The following PSEN1 variants were observed in gnomAD, a reference collection of about 807,000 sequenced individuals.
PSEN1 encodes presenilin 1.
PSEN1 carries 15 observed loss-of-function variants against 53.5 expected under a neutral mutation model. The ratio of observed to expected loss-of-function variants is 0.28; its 90% confidence interval spans 0.19 to 0.43. The LOEUF is 0.43. Among genes scored for constraint, PSEN1 ranks in the 20% least tolerant of loss-of-function variants. The probability of loss-of-function intolerance (pLI) is 1.00; values close to 1 mark genes in which losing one functional copy is unlikely to be tolerated. For missense variants in PSEN1, 387 were observed against 571.2 expected (o/e 0.68, Z 3.29); for synonymous variants, 208 against 209.8 (o/e 0.99, Z 0.08).
intron 3 of PSEN1, among the ~76,000 whole-genome samples, chr14:73,159,292 C>G (rs1172030508): frequency 1.3e-5 from 2 of 151,696 alleles, no homozygotes; most frequent in Non-Finnish European, 1.5e-5. Flanking sequence ...AAGAATTCTT[C>G]TGCCTCATTC....
At chr14:73,196,311 C>G (rs1473271302) in intron 7 of PSEN1, among the ~76,000 whole-genome samples, 1 of 151,798 alleles carries the variant, frequency 6.6e-6, no homozygotes, top group Non-Finnish European at 1.5e-5. Flanking sequence ...GCAGGGCAGA[C>G]TTCTCATTCA....
intron 11 of PSEN1, 132 bp downstream of exon 11, chr14:73,217,376 A>T: frequency 2.0e-6 from 2 of 1,007,314 alleles, no homozygotes; most frequent in South Asian, 2.7e-5. Flanking sequence ...CTTTTTGATA[A>T]TTGGACCTCA....
In PSEN1 at chr14:73,193,549, C is replaced by CA. The variant is rs372716222; in HGVS notation, c.769+700dup. ...TGGGTGACAGAGCGAGACTCTGTCTCAAAAAAAAAAAAAAAGCAAAAAAAA... is the reference window on the plus strand; with the variant it reads ...TGGGTGACAGAGCGAGACTCTGTCTCAAAAAAAAAAAAAAAAGCAAAAAAAA... On this transcript the variant is annotated intron_variant, in intron 7 of 11. Transcript: ENST00000324501. Among the ~76,000 whole-genome samples the CA allele has an allele frequency of 4.6e-3, 430 of 93,188 alleles. 8 individuals carry two copies. The highest frequency in any genetic ancestry group is 6.6e-3 in the Middle Eastern group (1 of 152). 61.1% of individuals were successfully genotyped at this position (93,188 alleles called of 152,430 possible).
chr14:73,195,204 G>A (rs1415496375), intron 7 of PSEN1, among the ~76,000 whole-genome samples: 4 of 152,084 alleles, frequency 2.6e-5, no homozygotes, highest in South Asian at 4.2e-4. Context: ...ATAGAGTCTC[G>A]CTTTGTTGCC....
intron 5 of PSEN1, among the ~76,000 whole-genome samples, chr14:73,176,628 T>C (rs940775978): frequency 6.6e-6 from 1 of 152,278 alleles, no homozygotes; most frequent in African/African-American, 2.4e-5. Flanking sequence ...AAACTACCTC[T>C]TCTTTTCTCT....
In PSEN1 at chr14:73,183,297, T is replaced by A. The variant is rs894056697; in HGVS notation, c.481-3556T>A. ...TATGTCTGGCTAATTTTTGTATTTT[T>A]TTTTTTTAATTTATTTTTTATTGAT... On this transcript the variant is annotated intron_variant, in intron 5 of 11. Coordinates refer to ENST00000324501, the MANE Select transcript of PSEN1 (RefSeq NM_000021.4). Among the ~76,000 whole-genome samples, 9 of 152,278 alleles carry A rather than the reference T, an allele frequency of 5.9e-5. No homozygotes were observed. The East Asian group carries it at 1.7e-3, about 29-fold the overall frequency.
At chr14:73,214,945 C>G (rs1751642005) in intron 10 of PSEN1, among the ~76,000 whole-genome samples, 1 of 152,014 alleles carries the variant, frequency 6.6e-6, no homozygotes, top group Non-Finnish European at 1.5e-5. Context: ...TGATGGGTAT[C>G]TTACCACAGT....
intron 3 of PSEN1, among the ~76,000 whole-genome samples, chr14:73,165,032 C>G (rs2140021228): frequency 6.6e-6 from 1 of 152,242 alleles, no homozygotes; most frequent in East Asian, 1.9e-4. Flanking sequence ...TCTTGGCTCA[C>G]TGCAACCTCT....
At chr14:73,206,798 ACT>A (rs1392053299) in intron 9 of PSEN1, among the ~76,000 whole-genome samples, 2 of 152,116 alleles carry the variant, frequency 1.3e-5, no homozygotes, top group African/African-American at 4.8e-5. Flanking sequence ...GAAAAAATAA[ACT>A]CTCTCCAAAC....
chr14:73,156,982 C>G (rs1897376484), intron 3 of PSEN1, among the ~76,000 whole-genome samples: 1 of 151,680 alleles, frequency 6.6e-6, no homozygotes, highest in South Asian at 2.1e-4. Flanking sequence ...AATGGTCTTA[C>G]AGGTAATACC....
intron 1 of PSEN1, among the ~76,000 whole-genome samples, chr14:73,146,800 G>A (rs754450453): frequency 2.4e-4 from 37 of 152,156 alleles, no homozygotes; most frequent in Non-Finnish European, 5.0e-4. Context: ...ATGTGTATAT[G>A]GTAATGTATT....
intron 1 of PSEN1, among the ~76,000 whole-genome samples, chr14:73,142,936 A>T (rs1353129153): frequency 6.6e-6 from 1 of 152,154 alleles, no homozygotes; most frequent in Non-Finnish European, 1.5e-5. Context: ...AGAGAGCAAA[A>T]ACACCAGAGT....
chr14:73,169,456 C>T (rs1255236778), intron 3 of PSEN1: 1 of 152,168 alleles, frequency 6.6e-6, no homozygotes. Context: ...CTTGAAATTC[C>T]TATTGGTAAC....
chr14:73,159,733 C>A (rs2140006132), intron 3 of PSEN1, among the ~76,000 whole-genome samples: 1 of 152,300 alleles, frequency 6.6e-6, no homozygotes, highest in Middle Eastern at 3.4e-3. Flanking sequence ...ACTCATTGGA[C>A]AACTTTATAC....
intron 3 of PSEN1, among the ~76,000 whole-genome samples, chr14:73,151,896 T>TA (rs1897239992): frequency 2.0e-3 from 22 of 10,906 alleles, no homozygotes; most frequent in South Asian, 0.02. Context: ...ATATATATAT[T>TA]TTTTTTTTTT....
intron 3 of PSEN1, among the ~76,000 whole-genome samples, chr14:73,166,820 T>G (rs1819520058): frequency 1.3e-5 from 2 of 152,184 alleles, no homozygotes. Context: ...TAGAATAGTT[T>G]CCTTTCCATT....
intron 5 of PSEN1, among the ~76,000 whole-genome samples, chr14:73,184,385 G>A (rs1227914006): frequency 4.7e-5 from 5 of 105,442 alleles, no homozygotes; most frequent in East Asian, 4.2e-4. Context: ...CTGGCCGGGC[G>A]GGGGGCTGAC....
At chr14:73,158,889 A>T (rs1018238237) in intron 3 of PSEN1, among the ~76,000 whole-genome samples, 3 of 152,152 alleles carry the variant, frequency 2.0e-5, no homozygotes, top group Non-Finnish European at 2.9e-5. Flanking sequence ...TCAGTCTTTT[A>T]AATTTTTTAG....
At chr14:73,167,588 T>C (rs1245706512) in intron 3 of PSEN1, among the ~76,000 whole-genome samples, 1 of 152,126 alleles carries the variant, frequency 6.6e-6, no homozygotes, top group Non-Finnish European at 1.5e-5. Context: ...ACATGAATTT[T>C]TAGGGGGATC....
Sources: allele counts gnomAD v4.1 joint callset (sites outside exome capture counted in the v4.1 genomes callset), GRCh38; gene constraint gnomAD v4.1.1; transcripts MANE v1.5; gene names NCBI Gene and HGNC (gene_info 2026-07-23, HGNC 2026-07-21).